Variants in PCDHA10 observed in about 807,000 individuals in gnomAD.
PCDHA10 encodes the protein protocadherin alpha-10.
Under a neutral mutation model 61.2 loss-of-function variants are expected in PCDHA10, and 45 were observed. That is an observed-to-expected ratio of 0.74 (90% CI 0.58 to 0.94). The LOEUF is 0.94. Among genes scored for constraint, PCDHA10 ranks in the 40% least tolerant of loss-of-function variants. The pLI, the probability that PCDHA10 is intolerant of heterozygous loss-of-function variation, is 0.00. For missense variants in PCDHA10, 1,278 were observed against 1,236.2 expected (o/e 1.03, Z -0.51); for synonymous variants, 602 against 548.8 (o/e 1.10, Z -1.35).
At chr5:140,870,153 CG>C (rs1562639258) in intron 1 of PCDHA10, 2 of 1,614,088 alleles carry the variant, frequency 1.2e-6, no homozygotes, top group South Asian at 2.2e-5. Flanking sequence ...CTGAAGTCGC[CG>C]TGACTTCCTT....
intron 3 of PCDHA10, among the ~76,000 whole-genome samples, chr5:140,997,328 G>A (rs76646758): frequency 0.013 from 1,948 of 152,070 alleles, 47 homozygotes; most frequent in African/African-American, 0.045. Flanking sequence ...CAGTTTTTTC[G>A]TTGTACAAAT....
At chr5:140,914,095 C>G (rs1368870998) in intron 1 of PCDHA10, among the ~76,000 whole-genome samples, 1 of 152,082 alleles carries the variant, frequency 6.6e-6, no homozygotes, top group Non-Finnish European at 1.5e-5. Context: ...TCAATTTGTT[C>G]TATAGTGCAG....
chr5:140,921,203 G>A (rs782776779), intron 1 of PCDHA10, among the ~76,000 whole-genome samples: 22 of 151,476 alleles, frequency 1.5e-4, no homozygotes, highest in Non-Finnish European at 2.7e-4. Context: ...GATTGACAAC[G>A]ATAATTCACG....
chr5:140,862,944 T>C (rs1554157274), intron 1 of PCDHA10: 3 of 542,156 alleles, frequency 5.5e-6, no homozygotes, highest in Admixed American at 3.9e-5. Flanking sequence ...GTGAGTGAGC[T>C]GGTGCGGTAT....
chr5:140,858,198 C>T lies in PCDHA10; in HGVS notation c.2150C>T (p.Thr717Ile), dbSNP rs1418909754. ...CTGGTGCTCACGCTGCTGCTGTACACTGCACTGAGGTGCTCGGCGGCGCCC... is the reference window on the plus strand; with the variant it reads ...CTGGTGCTCACGCTGCTGCTGTACATTGCACTGAGGTGCTCGGCGGCGCCC... ...SLLVLTLLLYTALRCSAAPTE... is the reference protein window; with the variant it reads ...SLLVLTLLLYIALRCSAAPTE... The change falls in exon 1 of 4, where the codon ACT becomes ATT. Residue 717 changes from threonine to isoleucine, a missense_variant. Coordinates refer to ENST00000307360, the MANE Select transcript of PCDHA10 (RefSeq NM_018901.4). The T allele has an allele frequency of 1.9e-6, 3 of 1,597,294 alleles. No individual in the cohort carries two copies. The highest frequency in any genetic ancestry group is 2.7e-5 in the African/African-American group (2 of 74,392).
intron 2 of PCDHA10, among the ~76,000 whole-genome samples, chr5:140,981,379 G>A (rs1387904235): frequency 1.3e-5 from 2 of 152,152 alleles, no homozygotes; most frequent in Admixed American, 1.3e-4. Flanking sequence ...TTCAAGACCA[G>A]CCTGGTCAAT....
chr5:140,948,528 T>C (rs1234543318), intron 1 of PCDHA10, among the ~76,000 whole-genome samples: 1 of 151,686 alleles, frequency 6.6e-6, no homozygotes, highest in Non-Finnish European at 1.5e-5. Context: ...ACTATTTATA[T>C]TTTATTTCAT....
chr5:140,929,722 T>G (rs558208996), intron 1 of PCDHA10: 1 of 221,696 alleles, frequency 4.5e-6, no homozygotes, highest in Non-Finnish European at 9.4e-6. Flanking sequence ...AGGTGAAACA[T>G]TTACTTAAAC....
chr5:140,973,391 A>G (rs1466546487), intron 1 of PCDHA10, among the ~76,000 whole-genome samples: 1 of 152,232 alleles, frequency 6.6e-6, no homozygotes, highest in East Asian at 1.9e-4. Context: ...AGACAAAGAA[A>G]TCATATCTAT....
chr5:140,902,855 G>A lies in PCDHA10; in HGVS notation c.2388+44419G>A, dbSNP rs137957286. On this transcript the variant is annotated intron_variant, in intron 1 of 3. Coordinates refer to ENST00000307360, the MANE Select transcript of PCDHA10 (RefSeq NM_018901.4). ...GAGTTACTTCACTTAGAAAAATGGC[G>A]TCCAGGTCCACCCAAGCTGCTGCAA... is the stretch of plus-strand genomic sequence containing the variant. Among the ~76,000 whole-genome samples, 742 of 152,204 alleles carry A rather than the reference G, an allele frequency of 4.9e-3. 1 individual carries two copies. The highest frequency in any genetic ancestry group is 7.5e-3 in the Admixed American group (115 of 15,274).
At chr5:140,869,811 C>T (rs1554163508) in intron 1 of PCDHA10, 10 of 1,612,246 alleles carry the variant, frequency 6.2e-6, no homozygotes, top group African/African-American at 2.7e-5. Context: ...TGGATGTCAA[C>T]GACAATGATC....
At chr5:141,006,188 A>C (rs1319299509) in intron 3 of PCDHA10, among the ~76,000 whole-genome samples, 2 of 150,182 alleles carry the variant, frequency 1.3e-5, no homozygotes, top group Admixed American at 6.7e-5. Flanking sequence ...AGAGTTTGCT[A>C]TATGTATGTT....
At chr5:140,937,402 CACA>C (rs1329840101) in intron 1 of PCDHA10, among the ~76,000 whole-genome samples, 1 of 152,034 alleles carries the variant, frequency 6.6e-6, no homozygotes, top group African/African-American at 2.4e-5. Flanking sequence ...AGGGGTATTG[CACA>C]ACTTTTATTA....
chr5:140,991,748 T>C (rs1192231997), intron 3 of PCDHA10, among the ~76,000 whole-genome samples: 4 of 152,224 alleles, frequency 2.6e-5, no homozygotes, highest in Non-Finnish European at 4.4e-5. Flanking sequence ...AGGCTCTTTC[T>C]ATCATGCTCT....
At chr5:140,906,057 C>A (rs558964545) in intron 1 of PCDHA10, among the ~76,000 whole-genome samples, 7 of 152,326 alleles carry the variant, frequency 4.6e-5, no homozygotes, top group Admixed American at 2.0e-4. Context: ...GCTGCACTGG[C>A]AGCTGATTAG....
In PCDHA10 at chr5:141,012,013, G is replaced by A. The variant is rs181445737; in HGVS notation, c.*2076G>A. 25 of 153,796 alleles carry A rather than the reference G, an allele frequency of 1.6e-4. No homozygotes were observed. The highest frequency in any genetic ancestry group is 2.1e-4 in the South Asian group (1 of 4,818). 9.5% of individuals were successfully genotyped at this position (153,796 alleles called of 1,614,324 possible). A position where few individuals can be genotyped will look rare whatever the true frequency, so the allele number is the denominator to read the frequency against. ...CATTCTCCCATATTTTGAAGGGTGTGTAACTTCAGCTCTGCAGGATTGCAT... is the reference window on the plus strand; with the variant it reads ...CATTCTCCCATATTTTGAAGGGTGTATAACTTCAGCTCTGCAGGATTGCAT... On this transcript the variant is annotated 3_prime_UTR_variant, in exon 4 of 4. Transcript: ENST00000307360.
At chr5:140,884,533 G>T in intron 1 of PCDHA10, 1 of 1,614,082 alleles carries the variant, frequency 6.2e-7, no homozygotes, top group Non-Finnish European at 8.5e-7. Flanking sequence ...AGCAGAGGCG[G>T]CCGAGGGTGT....
At position 140,948,398 on chromosome 5, in the gene PCDHA10, T is replaced by G. The variant is rs147325819; in HGVS notation, c.2389-30551T>G. 6.9e-3 allele frequency among the ~76,000 whole-genome samples: 1,051 copies of G among 151,748 alleles called. 6 individuals carry two copies. The highest frequency in any genetic ancestry group is 0.017 in the Middle Eastern group (5 of 294). Reference sequence around the variant, plus strand: ...CCTTCCTCTATTTTCTGAAAGGTTGTGTAATATTGGTGTTATTTCTTCCTT... The same window carrying G: ...CCTTCCTCTATTTTCTGAAAGGTTGGGTAATATTGGTGTTATTTCTTCCTT... On this transcript the variant is annotated intron_variant, in intron 1 of 3. Transcript: ENST00000307360.
rs575540619 is a variant in PCDHA10 at position 140,959,917 on chromosome 5, T to A, written c.2389-19032T>A. ...TTTATATCAGAAAAATCAAAGCCATTTGTAAAGCCCCATTACTTAGGCAGA... is the reference window on the plus strand; with the variant it reads ...TTTATATCAGAAAAATCAAAGCCATATGTAAAGCCCCATTACTTAGGCAGA... On this transcript the variant is annotated intron_variant, in intron 1 of 3. Transcript: ENST00000307360. 3.3e-5 allele frequency among the ~76,000 whole-genome samples: 5 copies of A among 152,296 alleles called. No homozygotes were observed. The East Asian group carries it at 9.6e-4, about 29-fold the overall frequency.
Sources: gnomAD v4.1 joint callset for allele counts (sites outside exome capture counted in the v4.1 genomes callset) on GRCh38, gnomAD v4.1.1 for gene constraint, MANE v1.5 for transcripts, NCBI Gene and HGNC (gene_info 2026-07-23, HGNC 2026-07-21) for gene names.